Variants in ACYP2 observed in about 807,000 individuals in gnomAD.
ACYP2 encodes the protein acylphosphatase 2.
ACYP2 carries 12 observed loss-of-function variants against 11.2 expected under a neutral mutation model. That is an observed-to-expected ratio of 1.08 (90% CI 0.69 to 1.74). The LOEUF is 1.74. Among genes scored for constraint, ACYP2 ranks in the 40% most tolerant of loss-of-function variants. The pLI is 0.00. For missense variants in ACYP2, 134 were observed against 101.9 expected, an observed-to-expected ratio of 1.31 and a Z score of -1.35; for synonymous variants, 43 against 32.2, an observed-to-expected ratio of 1.33 and a Z score of -1.13.
intron 6 of ACYP2, among the ~76,000 whole-genome samples, chr2:54,264,952 C>A (rs1030238829): frequency 3.3e-5 from 5 of 152,162 alleles, no homozygotes; most frequent in African/African-American, 1.2e-4. Flanking sequence ...GTATTTCCAA[C>A]TTACCTTCAC....
intron 6 of ACYP2, among the ~76,000 whole-genome samples, chr2:54,258,206 G>T (rs1490349632): frequency 8.5e-5 from 13 of 152,192 alleles, no homozygotes; most frequent in African/African-American, 2.9e-4. Flanking sequence ...AGAGCAAGGA[G>T]ATTGAAAGTC....
At chr2:54,255,560 C>A (rs771768568) in intron 6 of ACYP2, 11 of 1,608,038 alleles carry the variant, frequency 6.8e-6, no homozygotes, top group Non-Finnish European at 9.3e-6. Flanking sequence ...TGGAGACCCA[C>A]GTTCAGGGGC....
chr2:54,106,125 C>G (rs931878163), intron 4 of ACYP2, among the ~76,000 whole-genome samples: 4 of 152,062 alleles, frequency 2.6e-5, no homozygotes, highest in Non-Finnish European at 5.9e-5. Flanking sequence ...TTCATGGACT[C>G]AAAAGGAAAT....
At chr2:54,033,198 A>ATT (rs11284749) in intron 2 of ACYP2, among the ~76,000 whole-genome samples, 2 of 141,514 alleles carry the variant, frequency 1.4e-5, no homozygotes, top group African/African-American at 2.6e-5. Flanking sequence ...CCTGTGGGCA[A>ATT]TTTTTTTTTT....
chr2:54,255,051 C>G lies in ACYP2; in HGVS notation c.405-49637C>G, dbSNP rs1453563318. ...TTGACCAGAGGTCCTCTTTAATAAT[C>G]TGAGCAATCCTGTCGGACTCTGGAA... On this transcript the variant is annotated intron_variant, in intron 6 of 6. Coordinates refer to ENST00000607452, the MANE Select transcript of ACYP2 (RefSeq NM_001320586.2). 3 of 1,614,158 alleles carry G rather than the reference C, an allele frequency of 1.9e-6. No homozygotes were observed. In the East Asian group the frequency reaches 6.7e-5, roughly 36 times the overall value.
intron 6 of ACYP2, among the ~76,000 whole-genome samples, chr2:54,295,289 T>C (rs1281101143): frequency 6.6e-6 from 1 of 152,374 alleles, no homozygotes; most frequent in Non-Finnish European, 1.5e-5. Flanking sequence ...ATTAGGCCCC[T>C]GAATCCATAG....
chr2:53,997,585 T>A (rs529786410), intron 2 of ACYP2, among the ~76,000 whole-genome samples: 1 of 152,212 alleles, frequency 6.6e-6, no homozygotes, highest in Non-Finnish European at 1.5e-5. Flanking sequence ...AGACTATAGG[T>A]ATGAGCCACC....
chr2:54,233,591 C>T (rs1481045971), intron 6 of ACYP2, among the ~76,000 whole-genome samples: 1 of 152,124 alleles, frequency 6.6e-6, no homozygotes, highest in Non-Finnish European at 1.5e-5. Flanking sequence ...CAGGTGTGAG[C>T]CAACATGCCT....
chr2:54,216,293 C>G (rs1400539111), intron 6 of ACYP2, among the ~76,000 whole-genome samples: 3 of 152,052 alleles, frequency 2.0e-5, no homozygotes, highest in Non-Finnish European at 1.5e-5. Flanking sequence ...CAGTTGATGT[C>G]TGGTTGAGCA....
intron 6 of ACYP2, among the ~76,000 whole-genome samples, chr2:54,196,909 G>A (rs966930282): frequency 1.3e-5 from 2 of 152,208 alleles, no homozygotes; most frequent in African/African-American, 2.4e-5. Context: ...TATTACGAGC[G>A]AAGTAGTACT....
intron 6 of ACYP2, among the ~76,000 whole-genome samples, chr2:54,172,075 A>G (rs570089068): frequency 8.7e-4 from 133 of 152,164 alleles, no homozygotes; most frequent in Middle Eastern, 3.4e-3. Flanking sequence ...CAATTAGCCA[A>G]GGATGGTGGG....
intron 2 of ACYP2, among the ~76,000 whole-genome samples, chr2:53,979,763 G>A (rs936361037): frequency 2.0e-5 from 3 of 151,948 alleles, no homozygotes; most frequent in Non-Finnish European, 2.9e-5. Context: ...GTGCAGTGGC[G>A]TGATCTTGGC....
At chr2:54,122,498 G>A (rs1486922556) in intron 4 of ACYP2, among the ~76,000 whole-genome samples, 1 of 152,120 alleles carries the variant, frequency 6.6e-6, no homozygotes, top group Non-Finnish European at 1.5e-5. Context: ...CTTCTCTTCA[G>A]CAAGTGAGGT....
chr2:54,092,247 G>A (rs1014540090), intron 4 of ACYP2, among the ~76,000 whole-genome samples: 1 of 152,174 alleles, frequency 6.6e-6, no homozygotes, highest in Admixed American at 6.5e-5. Flanking sequence ...ATTTACAAGT[G>A]GGTTATGAAA....
At chr2:54,211,906 GTC>G (rs142740126) in intron 6 of ACYP2, among the ~76,000 whole-genome samples, 1 of 151,342 alleles carries the variant, frequency 6.6e-6, no homozygotes, top group African/African-American at 2.4e-5. Context: ...CTTTCTTTCT[GTC>G]TCTCTCTCTC....
At position 54,235,645 on chromosome 2, in the gene ACYP2, TG is replaced by T. The variant is rs775893361; in HGVS notation, c.405-69041del. ...GATTACAGGCGTGAGCCACCGCGCC[TG>T]GCCAACCTATAGGGTTTTTTTTGGA... On this transcript the variant is annotated intron_variant, in intron 6 of 6. Coordinates refer to ENST00000607452, the MANE Select transcript of ACYP2 (RefSeq NM_001320586.2). Among the ~76,000 whole-genome samples the T allele has an allele frequency of 4.3e-4, 65 of 152,314 alleles. 1 individual carries two copies. Among genetic ancestry groups the T allele is most frequent in the South Asian group, 2.1e-3 (10 of 4,826 alleles).
At chr2:54,279,373 C>G (rs1688747028) in intron 6 of ACYP2, among the ~76,000 whole-genome samples, 1 of 152,180 alleles carries the variant, frequency 6.6e-6, no homozygotes, top group South Asian at 2.1e-4. Context: ...CACAAGCCTA[C>G]CACATATACC....
At chr2:54,055,783 A>C (rs1676109951) in intron 3 of ACYP2, among the ~76,000 whole-genome samples, 1 of 152,362 alleles carries the variant, frequency 6.6e-6, no homozygotes, top group Non-Finnish European at 1.5e-5. Context: ...CAATGCATCT[A>C]AGTGTTCAGT....
At chr2:54,081,983 G>A (rs1395717124) in intron 4 of ACYP2, among the ~76,000 whole-genome samples, 1 of 152,148 alleles carries the variant, frequency 6.6e-6, no homozygotes, top group Admixed American at 6.5e-5. Context: ...TAATTCTAAA[G>A]CCTAAGACAC....
Sources: allele counts gnomAD v4.1 joint callset (sites outside exome capture counted in the v4.1 genomes callset), GRCh38; gene constraint gnomAD v4.1.1; transcripts MANE v1.5; gene names NCBI Gene and HGNC (gene_info 2026-07-23, HGNC 2026-07-21).